SYNPR: variants seen among roughly 807,000 people sequenced by gnomAD.
The protein encoded by SYNPR is synaptoporin.
A neutral mutation model predicts 32.9 loss-of-function variants in SYNPR; 23 were observed. The ratio of observed to expected loss-of-function variants is 0.70; its 90% CI spans 0.50 to 0.99. SYNPR has a LOEUF of 0.99. Ranked by LOEUF, SYNPR falls within the 50% of genes least tolerant of loss-of-function variation. The probability of loss-of-function intolerance (pLI) is 0.00; values close to 1 mark genes in which losing one functional copy is unlikely to be tolerated. For synonymous variants in SYNPR, 146 were observed against 135.9 expected (o/e 1.07, Z -0.52); for missense variants, 318 against 349.3 (o/e 0.91, Z 0.71).
chr3:63,487,352 T>C (rs1427559225), intron 3 of SYNPR, among the ~76,000 whole-genome samples: 2 of 152,128 alleles, frequency 1.3e-5, no homozygotes, highest in African/African-American at 4.8e-5. Context: ...ACAGAAACAA[T>C]GTTACCTATT....
chr3:63,428,601 C>A (rs753806218), intron 2 of SYNPR, among the ~76,000 whole-genome samples: 4 of 152,200 alleles, frequency 2.6e-5, no homozygotes, highest in Non-Finnish European at 5.9e-5. Context: ...TTCTGCTGAT[C>A]AGCTGGGCTT....
At chr3:63,206,534 C>A in the SYNPR span, among the ~76,000 whole-genome samples, 2 of 151,634 alleles carry the variant, frequency 1.3e-5, no homozygotes, top group African/African-American at 2.4e-5. Flanking sequence ...GCACTCCAGC[C>A]TGGGTGACAG....
intron 4 of SYNPR, among the ~76,000 whole-genome samples, chr3:63,582,346 T>C (rs1703107890): frequency 6.6e-6 from 1 of 152,054 alleles, no homozygotes; most frequent in Non-Finnish European, 1.5e-5. Context: ...AATTCCTTTT[T>C]CTCATCAACA....
At chr3:63,518,631 G>T (rs1701844105) in intron 3 of SYNPR, among the ~76,000 whole-genome samples, 2 of 152,152 alleles carry the variant, frequency 1.3e-5, no homozygotes, top group South Asian at 4.1e-4. Flanking sequence ...CTGTGGGCAA[G>T]TTACCTAACA....
intron 4 of SYNPR, among the ~76,000 whole-genome samples, chr3:63,574,846 G>A (rs907008873): frequency 1.3e-5 from 2 of 152,042 alleles, no homozygotes; most frequent in East Asian, 1.9e-4. Context: ...GGCAATTTAA[G>A]GATAAAATGT....
chr3:63,302,462 T>G (rs576497827), intron 2 of SYNPR, among the ~76,000 whole-genome samples: 12 of 152,224 alleles, frequency 7.9e-5, no homozygotes, highest in Admixed American at 2.0e-4. Flanking sequence ...TAAAGCCACA[T>G]GGATTATAAG....
intron 3 of SYNPR, among the ~76,000 whole-genome samples, chr3:63,547,383 C>G (rs17399163): frequency 0.02 from 3,054 of 152,224 alleles, 49 homozygotes; most frequent in South Asian, 0.036. Context: ...GTCCCTACTT[C>G]GAATTTGTCT....
At chr3:63,577,576 A>T (rs1703007341) in intron 4 of SYNPR, among the ~76,000 whole-genome samples, 1 of 152,130 alleles carries the variant, frequency 6.6e-6, no homozygotes, top group Non-Finnish European at 1.5e-5. Flanking sequence ...GAACTAGAGT[A>T]ATGGATCAGA....
intron 2 of SYNPR, among the ~76,000 whole-genome samples, chr3:63,284,418 C>T (rs1345846597): frequency 2.0e-5 from 3 of 152,140 alleles, no homozygotes; most frequent in Non-Finnish European, 2.9e-5. Context: ...GAATAAACTG[C>T]TGACTCAATT....
At chr3:63,312,142 AAAG>A (rs2086972681) in intron 2 of SYNPR, among the ~76,000 whole-genome samples, 1 of 152,046 alleles carries the variant, frequency 6.6e-6, no homozygotes, top group Non-Finnish European at 1.5e-5. Context: ...TTCTAACAAC[AAAG>A]AATAATGTAT....
intron 4 of SYNPR, among the ~76,000 whole-genome samples, chr3:63,580,322 A>G (rs927223733): frequency 6.6e-6 from 1 of 152,228 alleles, no homozygotes; most frequent in African/African-American, 2.4e-5. Context: ...CCCTGGGGCA[A>G]ATAAAAATGT....
At chr3:63,580,727 T>C (rs1703075211) in intron 4 of SYNPR, among the ~76,000 whole-genome samples, 2 of 152,170 alleles carry the variant, frequency 1.3e-5, no homozygotes, top group African/African-American at 4.8e-5. Context: ...TCACTCGTGA[T>C]CTGCTTTGGG....
intron 4 of SYNPR, among the ~76,000 whole-genome samples, chr3:63,578,257 A>G (rs1209979218): frequency 6.6e-6 from 1 of 152,176 alleles, no homozygotes. Context: ...TTTACAAGCC[A>G]TGTTACTTAC....
intron 2 of SYNPR, among the ~76,000 whole-genome samples, chr3:63,395,718 G>A (rs1025620335): frequency 1.3e-5 from 2 of 152,018 alleles, no homozygotes; most frequent in Admixed American, 6.6e-5. Flanking sequence ...GCCAAGTATT[G>A]TACGTATATA....
chr3:63,593,991 A>G (rs1699890206), intron 4 of SYNPR, among the ~76,000 whole-genome samples: 2 of 152,162 alleles, frequency 1.3e-5, no homozygotes, highest in South Asian at 4.1e-4. Context: ...ACAACAATGG[A>G]CAAACAAAAA....
rs140768837 is a variant in SYNPR, at chr3:63,262,107, C to CAAA, written n.155-5202_155-5200dup. Among the ~76,000 whole-genome samples, 19 of 149,090 alleles carry CAAA rather than the reference C, an allele frequency of 1.3e-4. 1 individual carries two copies. The Middle Eastern group carries it at 0.01, about 81-fold the overall frequency. ...TTTTTAGAGAGTTGTTTCTTAAGGA[C>CAAA]AAAAAAAAAACCATTTTACAAGGAT... On this transcript the variant is annotated intron_variant and non_coding_transcript_variant, in intron 2 of 4. Transcript: ENST00000478456.
intron 3 of SYNPR, among the ~76,000 whole-genome samples, chr3:63,272,912 G>T (rs1174876825): frequency 2.0e-5 from 3 of 152,124 alleles, no homozygotes; most frequent in Non-Finnish European, 4.4e-5. Context: ...TGGTGTTTTG[G>T]TAACAATGTG....
the SYNPR span, among the ~76,000 whole-genome samples, chr3:63,202,041 G>GT: frequency 6.6e-6 from 1 of 152,106 alleles, no homozygotes; most frequent in African/African-American, 2.4e-5. Context: ...AGTTCAGTAA[G>GT]TTTTTTAAAA....
intron 2 of SYNPR, among the ~76,000 whole-genome samples, chr3:63,452,951 A>T (rs11130927): frequency 1.3e-5 from 2 of 151,996 alleles, no homozygotes; most frequent in Admixed American, 1.3e-4. Context: ...GTATGTACTG[A>T]GAGTGTCGAA....
Sources: gnomAD v4.1 joint callset for allele counts (sites outside exome capture counted in the v4.1 genomes callset) on GRCh38, gnomAD v4.1.1 for gene constraint, MANE v1.5 for transcripts, NCBI Gene and HGNC (gene_info 2026-07-23, HGNC 2026-07-21) for gene names.